The following DAB1 variants were observed in gnomAD, a reference collection of about 807,000 sequenced individuals.
DAB1 encodes DAB adaptor protein 1.
DAB1 carries 15 observed loss-of-function variants against 64.6 expected under a neutral mutation model. The ratio of observed to expected loss-of-function variants is 0.23; its 90% CI spans 0.16 to 0.36. DAB1 has a LOEUF of 0.36. DAB1 is among the 10% of genes least tolerant of loss of function. The probability of loss-of-function intolerance (pLI) is 1.00; values close to 1 mark genes in which losing one functional copy is unlikely to be tolerated. For missense variants in DAB1, 596 were observed against 706.7 expected, an observed-to-expected ratio of 0.84 and a Z score of 1.78; for synonymous variants, 235 against 251.9, an observed-to-expected ratio of 0.93 and a Z score of 0.64.
chr1:58,047,908 C>A, intron 5 of DAB1: 2 of 368,954 alleles, frequency 5.4e-6, no homozygotes, highest in Non-Finnish European at 1.0e-5. Flanking sequence ...AGCATGGGTG[C>A]AAAAAAAAAT....
chr1:58,202,802 A>C (rs1244776773), intron 4 of DAB1, among the ~76,000 whole-genome samples: 1 of 152,204 alleles, frequency 6.6e-6, no homozygotes, highest in Non-Finnish European at 1.5e-5. Context: ...ACCAAAAACA[A>C]CATGTAGCAC....
chr1:57,290,538 G>A (rs370715083), intron 2 of DAB1, among the ~76,000 whole-genome samples: 6 of 152,332 alleles, frequency 3.9e-5, no homozygotes, highest in African/African-American at 1.4e-4. Flanking sequence ...AACAGGGATG[G>A]GGAAGGGGGG....
intron 1 of DAB1, among the ~76,000 whole-genome samples, chr1:57,333,803 CTTA>C (rs1676869867): frequency 6.6e-6 from 1 of 152,142 alleles, no homozygotes; most frequent in South Asian, 2.1e-4. Flanking sequence ...AATGTTTGTT[CTTA>C]TTATAATCTG....
intron 6 of DAB1, among the ~76,000 whole-genome samples, chr1:57,820,794 T>C (rs1557499361): frequency 6.6e-6 from 1 of 152,202 alleles, no homozygotes; most frequent in Non-Finnish European, 1.5e-5. Context: ...CATCCTGGTT[T>C]AGTCCCCTTT....
At chr1:57,661,009 C>T (rs1009938438) in intron 6 of DAB1, among the ~76,000 whole-genome samples, 1 of 152,078 alleles carries the variant, frequency 6.6e-6, no homozygotes, top group Non-Finnish European at 1.5e-5. Context: ...AAGTAAGATA[C>T]AAACGAATAA....
chr1:57,857,091 A>G (rs1472023161), intron 1 of DAB1, among the ~76,000 whole-genome samples: 2 of 152,208 alleles, frequency 1.3e-5, no homozygotes, highest in Non-Finnish European at 2.9e-5. Context: ...AGATGATGCA[A>G]TGAAGGGCTT....
At chr1:58,446,175 A>G (rs2100280352) in intron 3 of DAB1, among the ~76,000 whole-genome samples, 1 of 152,332 alleles carries the variant, frequency 6.6e-6, no homozygotes, top group Admixed American at 6.5e-5. Flanking sequence ...ATTAATTGGG[A>G]AATTGATTTC....
At chr1:57,352,200 A>T (rs1678644358) in intron 1 of DAB1, among the ~76,000 whole-genome samples, 1 of 152,146 alleles carries the variant, frequency 6.6e-6, no homozygotes, top group South Asian at 2.1e-4. Context: ...TAAGCTGCTG[A>T]GTCACTATAT....
intron 3 of DAB1, among the ~76,000 whole-genome samples, chr1:58,395,696 A>C (rs1316887224): frequency 6.6e-6 from 1 of 152,230 alleles, no homozygotes; most frequent in African/African-American, 2.4e-5. Context: ...CAGAAAGAAG[A>C]CAGCCAGGCA....
chr1:57,528,790 C>T (rs1415296301), intron 7 of DAB1, among the ~76,000 whole-genome samples: 2 of 149,446 alleles, frequency 1.3e-5, no homozygotes, highest in Non-Finnish European at 3.0e-5. Context: ...GATGAAAAGG[C>T]CTGTCAATCG....
chr1:57,796,978 C>G (rs1304346456), intron 6 of DAB1, among the ~76,000 whole-genome samples: 1 of 152,186 alleles, frequency 6.6e-6, no homozygotes, highest in Non-Finnish European at 1.5e-5. Context: ...TTCTGTGTCT[C>G]TCTGCTTCAC....
intron 3 of DAB1, among the ~76,000 whole-genome samples, chr1:58,406,717 C>G (rs985103653): frequency 4.4e-5 from 6 of 137,602 alleles, no homozygotes; most frequent in South Asian, 2.4e-4. Context: ...CATCCCCCCC[C>G]CCCAACTGCC....
chr1:57,053,690 T>TA (rs1649446979), intron 9 of DAB1, among the ~76,000 whole-genome samples: 43 of 33,628 alleles, frequency 1.3e-3, no homozygotes, highest in African/African-American at 3.6e-3. Flanking sequence ...ATATATATAT[T>TA]TTTTTTTTTT....
downstream of DAB1, among the ~76,000 whole-genome samples, chr1:57,824,395 G>A (rs1029504052): frequency 1.3e-5 from 2 of 152,062 alleles, no homozygotes; most frequent in African/African-American, 2.4e-5. Context: ...TATGAACGAT[G>A]GCTGATTGCT....
At chr1:57,772,601 A>G (rs1649612502) in intron 6 of DAB1, among the ~76,000 whole-genome samples, 1 of 152,140 alleles carries the variant, frequency 6.6e-6, no homozygotes, top group African/African-American at 2.4e-5. Context: ...AAATTGGCTG[A>G]TATCCAAAGT....
chr1:57,585,497 A>C (rs1645368342), intron 7 of DAB1, among the ~76,000 whole-genome samples: 1 of 152,146 alleles, frequency 6.6e-6, no homozygotes, highest in South Asian at 2.1e-4. Context: ...TCTTTCATGG[A>C]ACAATAATGG....
intron 7 of DAB1, among the ~76,000 whole-genome samples, chr1:57,550,116 C>G (rs1249557953): frequency 6.6e-6 from 1 of 152,118 alleles, no homozygotes; most frequent in Non-Finnish European, 1.5e-5. Flanking sequence ...TAATTAGCTA[C>G]AGGATTTGTG....
intron 2 of DAB1, among the ~76,000 whole-genome samples, chr1:57,239,638 T>G (rs909291770): frequency 6.6e-6 from 1 of 152,184 alleles, no homozygotes; most frequent in Non-Finnish European, 1.5e-5. Flanking sequence ...ACTTCCAGAG[T>G]TTCACCTGTT....
At chr1:57,360,762 A>G (rs192063628) in intron 1 of DAB1, among the ~76,000 whole-genome samples, 218 of 152,290 alleles carry the variant, frequency 1.4e-3, no homozygotes, top group African/African-American at 5.0e-3. Context: ...GTAAGTCATG[A>G]TAGTGGACAG....
Sources: gnomAD v4.1 joint callset for allele counts (sites outside exome capture counted in the v4.1 genomes callset) on GRCh38, gnomAD v4.1.1 for gene constraint, MANE v1.5 for transcripts, NCBI Gene and HGNC (gene_info 2026-07-23, HGNC 2026-07-21) for gene names.